The following PRR12 variants were observed in gnomAD, a reference collection of about 807,000 sequenced individuals.
The protein encoded by PRR12 is proline rich 12, also known as proline-rich protein 12.
PRR12 carries 12 observed loss-of-function variants against 138.0 expected under a neutral mutation model. The observed-to-expected ratio is 0.09, with a 90% CI of 0.06 to 0.14. PRR12 has a LOEUF of 0.14. Ranked by LOEUF, PRR12 falls within the 10% of genes least tolerant of loss-of-function variation. PRR12 has a pLI of 1.00. For missense variants in PRR12, 2,692 were observed against 2,861.3 expected, an observed-to-expected ratio of 0.94 and a Z score of 1.35; for synonymous variants, 1,567 against 1,291.7, an observed-to-expected ratio of 1.21 and a Z score of -4.57.
In PRR12 at chr19:49,595,914, G is replaced by C; in HGVS notation, c.1579G>C (p.Ala527Pro). ...PAAHSQGLPT[A>P]SPSLSYSTGH... The stretch of plus-strand genomic sequence containing the variant: ...CGCCCACTCCCAGGGGCTGCCCACA[G>C]CCAGCCCCTCGCTCAGCTACAGTAC... Residue 527 changes from alanine (A) to proline (P), a missense_variant, in exon 4 of 14, where the codon GCC becomes CCC. Physicochemically the swap from Ala to Pro is conservative, Grantham distance 27. Around this residue, in one of 11 missense-constraint regions of PRR12, gnomAD observed 523 missense variants for 496.4 expected, o/e 1.05. Coordinates refer to ENST00000418929, the MANE Select transcript of PRR12 (RefSeq NM_020719.3). 1 of 1,602,560 alleles carries C rather than the reference G, an allele frequency of 6.2e-7. No homozygotes were observed.
Position 49,625,299 on chromosome 19 carries a change from C to T in PRR12, c.5964+99C>T. ...AAGCCCAGCCCCATCCTGCCTCAGA[C>T]CCAAGAGTTCAGGTCCTTCTGTCTT... On this transcript the variant is annotated intron_variant, in intron 13 of 13. Coordinates refer to ENST00000418929, the MANE Select transcript of PRR12 (RefSeq NM_020719.3). This position sits in a 1 kb window ranked among gnomAD's most constrained non-coding sequence, Gnocchi z 5.5. The T allele has an allele frequency of 2.7e-6, 4 of 1,473,136 alleles. No individual in the cohort carries two copies. The highest frequency in any genetic ancestry group is 3.7e-6 in the Non-Finnish European group (4 of 1,070,028). 91.3% of individuals were successfully genotyped at this position (1,473,136 alleles called of 1,614,324 possible).
chr19:49,623,597 A>C (rs1599805874), intron 11 of PRR12, among the ~76,000 whole-genome samples: 3 of 151,084 alleles, frequency 2.0e-5, no homozygotes, highest in African/African-American at 7.3e-5. Flanking sequence ...GCGCCACTGC[A>C]CTCCAGCCTG....
chr19:49,595,291 G>A lies in PRR12; in HGVS notation c.956G>A (p.Ser319Asn). 1 of 1,545,326 alleles carries A rather than the reference G, an allele frequency of 6.5e-7. No homozygotes were observed. Among genetic ancestry groups the A allele is most frequent in the Non-Finnish European group, 8.7e-7 (1 of 1,146,338 alleles). ...CAGCACTATCTGAGCTGTGGAGGCA[G>A]CTACCCCTCCATGGGCCACCGGGCC... ...ALQHYLSCGG[S>N]YPSMGHRANL... Residue 319 changes from serine (S) to asparagine (N), a missense_variant, in exon 4 of 14, where the codon AGC (serine) becomes AAC (asparagine). Around this residue, in one of 11 missense-constraint regions of PRR12, gnomAD observed 523 missense variants for 496.4 expected, o/e 1.05. Transcript: ENST00000418929.
intron 6 of PRR12, among the ~76,000 whole-genome samples, chr19:49,604,284 C>T (rs1043725856): frequency 6.6e-6 from 1 of 151,240 alleles, no homozygotes; most frequent in Non-Finnish European, 1.5e-5. Context: ...GAGAGGCTCA[C>T]TTGAGGCCAG....
chr19:49,601,426 G>A (rs2080809105), intron 5 of PRR12, 65 bp from the exon 6 acceptor site: 1 of 907,060 alleles, frequency 1.1e-6, no homozygotes, highest in East Asian at 2.7e-5. Context: ...AGTGTTTAAA[G>A]GACAAGAGGA....
At position 49,595,552 on chromosome 19, in the gene PRR12, C is replaced by A. The variant is rs764744718; in HGVS notation, c.1217C>A (p.Pro406His). 11 of 1,584,088 alleles carry A rather than the reference C, an allele frequency of 6.9e-6. No individual in the cohort carries two copies. The highest frequency in any genetic ancestry group is 1.8e-5 in the Admixed American group (1 of 56,384). Residue 406 changes from proline (P) to histidine (H), a missense_variant, in exon 4 of 14, where the codon CCC becomes CAC. By Grantham distance (77) the Pro-to-His change is moderately conservative (BLOSUM62 -2). This residue lies in a region of PRR12 where 523 missense variants were observed against 496.4 expected (regional missense o/e 1.05). Transcript: ENST00000418929. ...YGAAAGGATR[P>H]PPPRSTATPK... Reference sequence around the variant, plus strand: ...GCAGCTGCCGGGGGTGCCACCAGGCCCCCCCCACCCCGTTCGACCGCCACC... The same window carrying A: ...GCAGCTGCCGGGGGTGCCACCAGGCACCCCCCACCCCGTTCGACCGCCACC...
intron 9 of PRR12, among the ~76,000 whole-genome samples, chr19:49,618,624 G>A (rs1012536829): frequency 3.9e-5 from 6 of 151,984 alleles, no homozygotes; most frequent in African/African-American, 1.4e-4. Context: ...CCTGACCTCA[G>A]GCGATCCTCT....
Position 49,596,439 on chromosome 19 carries a change from AGT to A in PRR12, c.2107_2108del (p.Val703HisfsTer9). ...AGACCCCCAGAGGTACCACCTGCAG[AGT>A]GTCATCCGCACCAGTGCCAGCCTGG... Reference protein sequence around the residue: ...KEDPQRYHLQSVIRTSASLDE... With the variant: ...KEDPQRYHLQXVIRTSASLDE... On this transcript the variant is annotated frameshift_variant, in exon 4 of 14. Transcript: ENST00000418929. LOFTEE classifies it high-confidence loss of function. The surrounding 1 kb of genome is among the most constrained non-coding windows in gnomAD (Gnocchi z 5.6). 1 of 1,610,928 alleles carries A rather than the reference AGT, an allele frequency of 6.2e-7. No individual in the cohort carries two copies. Among genetic ancestry groups the A allele is most frequent in the Non-Finnish European group, 8.5e-7 (1 of 1,179,494 alleles).
At position 49,624,821 on chromosome 19, in the gene PRR12, G is replaced by C; in HGVS notation, c.5722-23G>C. The C allele has an allele frequency of 1.9e-6, 3 of 1,608,182 alleles. No homozygotes were observed. In the South Asian group the frequency reaches 3.3e-5, roughly 18 times the overall value. ...GTTTATGGATCCAGGGCAGCATCCA[G>C]CTGACCCATTGGCTTCCCGCAGGAT... On this transcript the variant is annotated intron_variant, in intron 11 of 13. Transcript: ENST00000418929.
Position 49,599,626 on chromosome 19 carries a change from G to A in PRR12, c.4033G>A (p.Gly1345Ser). The A allele has an allele frequency of 7.5e-6, 12 of 1,604,818 alleles. No individual in the cohort carries two copies. The highest frequency in any genetic ancestry group is 1.0e-5 in the Non-Finnish European group (12 of 1,173,994). ...ACCTTCCGGAGCCTTTGGGCTTGGG[G>A]GCGCCCTGGAGGCTGCAGAGAGTGA... ...PPPSGAFGLG[G>S]ALEAAESEGL... The change falls in exon 5 of 14, where the codon GGC becomes AGC. Residue 1345 changes from glycine to serine, a missense_variant. Physicochemically the swap from Gly to Ser is moderately conservative, Grantham distance 56. This residue lies in a region of PRR12 where 326 missense variants were observed against 344.2 expected (regional missense o/e 0.95). Coordinates refer to ENST00000418929, the MANE Select transcript of PRR12 (RefSeq NM_020719.3). This position sits in a 1 kb window ranked among gnomAD's most constrained non-coding sequence, Gnocchi z 5.0.
Position 49,594,391 on chromosome 19 carries a change from TTC to T in PRR12, c.200-57_200-56del, listed in dbSNP as rs1297531593. On this transcript the variant is annotated intron_variant, in intron 2 of 13. Coordinates refer to ENST00000418929, the MANE Select transcript of PRR12 (RefSeq NM_020719.3). This position sits in a 1 kb window ranked among gnomAD's most constrained non-coding sequence, Gnocchi z 5.6. Reference sequence around the variant, plus strand: ...CCAACTTGCTTTTGGCCTCTTCCCTTTCTCTCTTGACTGTATCCTACCCACCC... The same window carrying T: ...CCAACTTGCTTTTGGCCTCTTCCCTTTCTCTTGACTGTATCCTACCCACCC... The T allele has an allele frequency of 6.9e-7, 1 of 1,459,796 alleles. No individual in the cohort carries two copies. Among genetic ancestry groups the T allele is most frequent in the African/African-American group, 1.4e-5 (1 of 70,138 alleles). 90.4% of individuals were successfully genotyped at this position (1,459,796 alleles called of 1,614,324 possible).
Position 49,594,659 on chromosome 19 carries a change from C to T in PRR12, c.362-38C>T, listed in dbSNP as rs369821986. ...CTGCAGGGCCAGGGTGGGACTGGCT[C>T]GCTGTTCTCTCTGACGCGCGGTCTT... On this transcript the variant is annotated intron_variant, in intron 3 of 13. Coordinates refer to ENST00000418929, the MANE Select transcript of PRR12 (RefSeq NM_020719.3). This position sits in a 1 kb window ranked among gnomAD's most constrained non-coding sequence, Gnocchi z 5.6. 77 of 1,610,706 alleles carry T rather than the reference C, an allele frequency of 4.8e-5. No homozygotes were observed. Among genetic ancestry groups the T allele is most frequent in the Admixed American group, 1.8e-4 (11 of 59,928 alleles).
chr19:49,622,928 T>TATATAGAG (rs1320368074), intron 11 of PRR12, among the ~76,000 whole-genome samples: 24 of 77,760 alleles, frequency 3.1e-4, no homozygotes, highest in African/African-American at 4.7e-4. Flanking sequence ...TATATATATA[T>TATATAGAG]AGAGAGAGAG....
intron 6 of PRR12, among the ~76,000 whole-genome samples, chr19:49,607,123 G>A (rs1014611556): frequency 6.6e-5 from 10 of 151,170 alleles, no homozygotes; most frequent in African/African-American, 1.9e-4. Flanking sequence ...GTGAGCCCCC[G>A]CCTTTAAGGA....
Position 49,596,251 on chromosome 19 carries a change from A to G in PRR12, c.1916A>G (p.Glu639Gly). Residue 639 changes from glutamate (E) to glycine (G), a missense_variant, in exon 4 of 14, where the codon GAG (glutamate) becomes GGG (glycine). Physicochemically the swap from Glu to Gly is moderately conservative, Grantham distance 98. This residue lies in a region of PRR12 where 840 missense variants were observed against 689.8 expected (regional missense o/e 1.22). Transcript: ENST00000418929. The surrounding 1 kb of genome is among the most constrained non-coding windows in gnomAD (Gnocchi z 5.6). ...GGPPAERTED[E>G]EFLIQHLLQA... ...CCTCCTGCGGAGCGCACAGAGGATG[A>G]GGAGTTCCTTATCCAGCACCTCTTG... 4.3e-6 allele frequency: 7 copies of G among 1,611,420 alleles called. No homozygotes were observed. The highest frequency in any genetic ancestry group is 5.9e-6 in the Non-Finnish European group (7 of 1,179,626).
At position 49,601,893 on chromosome 19, in the gene PRR12, G is replaced by A. The variant is rs765244778; in HGVS notation, c.4748G>A (p.Arg1583His). Residue 1583 changes from arginine (R) to histidine (H), a missense_variant, in exon 6 of 14, where the codon CGT becomes CAT. Arg to His is a conservative substitution (Grantham distance 29). Coordinates refer to ENST00000418929, the MANE Select transcript of PRR12 (RefSeq NM_020719.3). ...CGGGAACGGGACGAGTTCGTCATCC[G>A]TGCTGAGGACATCCCTTCCCTCAAG... Reference protein sequence around the residue: ...IFRERDEFVIRAEDIPSLKLA... With the variant: ...IFRERDEFVIHAEDIPSLKLA... 3.7e-6 allele frequency: 6 copies of A among 1,612,034 alleles called. No individual in the cohort carries two copies. Among genetic ancestry groups the A allele is most frequent in the African/African-American group, 1.3e-5 (1 of 74,896 alleles).
At chr19:49,621,413 C>G (rs1035969052) in intron 10 of PRR12, 112 bp from the exon 11 acceptor site, 2 of 841,258 alleles carry the variant, frequency 2.4e-6, no homozygotes, top group African/African-American at 1.7e-5. Flanking sequence ...GGGGCCTGTA[C>G]TTTTGTCTCT....
In PRR12 at chr19:49,625,306, G is replaced by A; in HGVS notation, c.5964+106G>A. On this transcript the variant is annotated intron_variant, in intron 13 of 13. Coordinates refer to ENST00000418929, the MANE Select transcript of PRR12 (RefSeq NM_020719.3). This position sits in a 1 kb window ranked among gnomAD's most constrained non-coding sequence, Gnocchi z 5.5. ...GCCCCATCCTGCCTCAGACCCAAGA[G>A]TTCAGGTCCTTCTGTCTTGGACTTA... 1 of 1,461,268 alleles carries A rather than the reference G, an allele frequency of 6.8e-7. No individual in the cohort carries two copies. Among genetic ancestry groups the A allele is most frequent in the South Asian group, 1.2e-5 (1 of 83,440 alleles). 90.5% of individuals were successfully genotyped at this position (1,461,268 alleles called of 1,614,324 possible).
At chr19:49,608,841 C>CA (rs112058165) in intron 6 of PRR12, among the ~76,000 whole-genome samples, 4,078 of 135,436 alleles carry the variant, frequency 0.03, 149 homozygotes, top group African/African-American at 0.094. Flanking sequence ...GACCCTGTCT[C>CA]AAAAAAAAAA....
Sources: gnomAD v4.1 joint callset for allele counts (sites outside exome capture counted in the v4.1 genomes callset) on GRCh38, gnomAD v4.1.1 for gene constraint, gnomAD v4.1.1 regional missense constraint, Gnocchi (gnomAD v3.1) non-coding constraint, MANE v1.5 for transcripts, NCBI Gene and HGNC (gene_info 2026-07-23, HGNC 2026-07-21) for gene names.